PHF2: variants seen among roughly 807,000 people sequenced by gnomAD.
The protein encoded by PHF2 is PHD finger protein 2, also known as lysine-specific demethylase PHF2.
In PHF2, 27 loss-of-function variants were observed where a neutral mutation model predicts 120.5. That is an observed-to-expected ratio of 0.22 (90% CI 0.17 to 0.31). The LOEUF (loss-of-function observed/expected upper bound fraction) is 0.31. Among genes scored for constraint, PHF2 ranks in the 10% least tolerant of loss-of-function variants. The pLI is 1.00. For synonymous variants in PHF2, 568 were observed against 592.5 expected, an observed-to-expected ratio of 0.96 and a Z score of 0.60; for missense variants, 1,024 against 1,434.8, an observed-to-expected ratio of 0.71 and a Z score of 4.63.
Position 93,656,127 on chromosome 9 carries a change from G to C in PHF2, c.1040+106G>C. 1.1e-6 allele frequency: 1 copy of C among 880,618 alleles called. No individual in the cohort carries two copies. The highest frequency in any genetic ancestry group is 1.6e-5 in the South Asian group (1 of 63,652). 54.6% of individuals were successfully genotyped at this position (880,618 alleles called of 1,614,324 possible). A position where few individuals can be genotyped will look rare whatever the true frequency, so the allele number is the denominator to read the frequency against. On this transcript the variant is annotated intron_variant, in intron 8 of 21. Coordinates refer to ENST00000359246, the MANE Select transcript of PHF2 (RefSeq NM_005392.4). This position sits in a 1 kb window ranked among gnomAD's most constrained non-coding sequence, Gnocchi z 4.1. ...GGCTGAGTCCTGGCACAGCCCGCCT[G>C]TGGGTGGCCTGGACATGACCGTCAG...
Position 93,636,398 on chromosome 9 carries a change from G to T in PHF2, c.185-13G>T. ...CGCTGTGTGACCGACCTTGCTTCCG[G>T]TCTCCTCCACAGTAAAGAAGAAGCG... On this transcript the variant is annotated splice_polypyrimidine_tract_variant and intron_variant, in intron 2 of 21. Transcript: ENST00000359246. 6.3e-7 allele frequency: 1 copy of T among 1,592,402 alleles called. No homozygotes were observed. The highest frequency in any genetic ancestry group is 8.6e-7 in the Non-Finnish European group (1 of 1,168,862).
chr9:93,658,558 T>C (rs937273469), intron 10 of PHF2, among the ~76,000 whole-genome samples: 1 of 151,902 alleles, frequency 6.6e-6, no homozygotes, highest in African/African-American at 2.4e-5. Context: ...TGGTGTGTCC[T>C]GGGAGGAAGG....
chr9:93,644,211 A>AC (rs1456018655), intron 3 of PHF2, among the ~76,000 whole-genome samples: 1 of 152,006 alleles, frequency 6.6e-6, no homozygotes, highest in East Asian at 1.9e-4. Flanking sequence ...ACATGGTGAA[A>AC]CCCCATCTCT....
intron 1 of PHF2, among the ~76,000 whole-genome samples, chr9:93,582,776 A>G (rs79721265): frequency 0.011 from 1,746 of 152,308 alleles, 33 homozygotes; most frequent in African/African-American, 0.04. Context: ...AAGCTTTCCA[A>G]AGGAGGCGTG....
rs1346820848 is a variant in PHF2, at chr9:93,653,339, G to A, written c.763G>A (p.Ala255Thr). The change falls in exon 6 of 22, where the codon GCC (alanine) becomes ACC (threonine). Residue 255 changes from alanine to threonine, a missense_variant. Physicochemically the swap from Ala to Thr is moderately conservative, Grantham distance 58. Around this residue, in one of 2 missense-constraint regions of PHF2, gnomAD observed 347 missense variants for 577.4 expected, o/e 0.60. Transcript: ENST00000359246. ...YTDFHIDSGG[A>T]SAWYHVLKGE... ...CGACTTCCACATCGACTCTGGGGGC[G>A]CCTCTGCCTGGTACCACGTGCTCAA... 2.5e-6 allele frequency: 4 copies of A among 1,613,578 alleles called. No homozygotes were observed. Among genetic ancestry groups the A allele is most frequent in the African/African-American group, 2.7e-5 (2 of 74,930 alleles).
At position 93,677,700 on chromosome 9, in the gene PHF2, T is replaced by A; in HGVS notation, c.*24T>A. ...AAGATTTGGAAAGCCAGGATCCTTC[T>A]GCTCCGCTCAGGACCCCCGGAGCCC... On this transcript the variant is annotated 3_prime_UTR_variant, in exon 22 of 22. Transcript: ENST00000359246. This position sits in a 1 kb window ranked among gnomAD's most constrained non-coding sequence, Gnocchi z 4.4. 1.3e-6 allele frequency: 2 copies of A among 1,586,508 alleles called. No homozygotes were observed. Among genetic ancestry groups the A allele is most frequent in the Non-Finnish European group, 1.7e-6 (2 of 1,155,498 alleles).
intron 1 of PHF2, among the ~76,000 whole-genome samples, chr9:93,598,983 T>G (rs1180265569): frequency 6.6e-6 from 1 of 152,130 alleles, no homozygotes; most frequent in Non-Finnish European, 1.5e-5. Context: ...GAAGCAGCAT[T>G]GTTTTGTACT....
At chr9:93,622,689 T>G (rs867777446) in intron 1 of PHF2, among the ~76,000 whole-genome samples, 1 of 152,098 alleles carries the variant, frequency 6.6e-6, no homozygotes, top group Non-Finnish European at 1.5e-5. Flanking sequence ...TGAGACCCAT[T>G]TGGACTTCTG....
intron 3 of PHF2, among the ~76,000 whole-genome samples, chr9:93,638,303 A>G (rs1474372342): frequency 2.0e-5 from 3 of 152,178 alleles, no homozygotes; most frequent in Non-Finnish European, 4.4e-5. Context: ...AGTCCAATTA[A>G]TCTATTTTTT....
intron 16 of PHF2, among the ~76,000 whole-genome samples, 165 bp downstream of exon 16, chr9:93,666,225 C>T (rs922496415): frequency 5.3e-5 from 8 of 152,316 alleles, no homozygotes; most frequent in East Asian, 1.9e-4. Context: ...TCTAAGGTCA[C>T]ATCCAACTCT....
chr9:93,613,585 AG>A (rs1188982158), intron 1 of PHF2, among the ~76,000 whole-genome samples: 2 of 141,858 alleles, frequency 1.4e-5, no homozygotes, highest in African/African-American at 5.2e-5. Flanking sequence ...TTTGAGACAG[AG>A]TCTCACCCTG....
chr9:93,604,880 AG>A (rs1825511231), intron 1 of PHF2, among the ~76,000 whole-genome samples: 1 of 152,050 alleles, frequency 6.6e-6, no homozygotes, highest in Non-Finnish European at 1.5e-5. Flanking sequence ...CCATCTGGGT[AG>A]TTCTTCCCTT....
At chr9:93,663,206 A>G (rs3750360) in intron 13 of PHF2, among the ~76,000 whole-genome samples, 180 bp downstream of exon 13, 3,040 of 152,170 alleles carry the variant, frequency 0.02, 65 homozygotes, top group East Asian at 0.1. Context: ...CCACCCATGG[A>G]CTACATCTTC....
chr9:93,630,584 G>A (rs1186013853), intron 2 of PHF2, among the ~76,000 whole-genome samples: 1 of 152,202 alleles, frequency 6.6e-6, no homozygotes, highest in African/African-American at 2.4e-5. Flanking sequence ...ACAACCTGCT[G>A]TTTGTGTGTC....
intron 2 of PHF2, among the ~76,000 whole-genome samples, chr9:93,631,559 T>A (rs1364808360): frequency 1.3e-5 from 2 of 152,006 alleles, no homozygotes; most frequent in East Asian, 1.9e-4. Flanking sequence ...AGATAAAGGG[T>A]AGGAAGGTTC....
intron 1 of PHF2, among the ~76,000 whole-genome samples, chr9:93,604,784 C>T (rs555055770): frequency 4.5e-4 from 69 of 152,284 alleles, no homozygotes; most frequent in Non-Finnish European, 7.6e-4. Context: ...CATCCATTTG[C>T]ATGCCCATTG....
intron 3 of PHF2, among the ~76,000 whole-genome samples, chr9:93,641,690 A>G (rs1826173994): frequency 6.6e-6 from 1 of 152,240 alleles, no homozygotes; most frequent in Admixed American, 6.5e-5. Context: ...TACATATTCT[A>G]GATACTTGTC....
In PHF2 at chr9:93,665,843, G is replaced by T; in HGVS notation, c.2095G>T (p.Ala699Ser). 3 of 1,603,800 alleles carry T rather than the reference G, an allele frequency of 1.9e-6. No individual in the cohort carries two copies. The highest frequency in any genetic ancestry group is 2.2e-5 in the South Asian group (2 of 90,992). ...GTTTCCCATCAGGAGGAAGAAAAAC[G>T]CCCCGAAAAGGGACTTGTCCTGTGA... is the stretch of plus-strand genomic sequence containing the variant. ...DEFPIRRKKN[A>S]PKRDLSFLLD... is the part of the protein sequence containing the mutation. Residue 699 changes from alanine to serine, a missense_variant, in exon 15 of 22, where the codon GCC (alanine) becomes TCC (serine). Transcript: ENST00000359246.
At chr9:93,608,009 G>GAGAGAA (rs1554792563) in intron 1 of PHF2, among the ~76,000 whole-genome samples, 1 of 123,704 alleles carries the variant, frequency 8.1e-6, no homozygotes, top group Non-Finnish European at 1.7e-5. Context: ...GAGAGAGAGA[G>GAGAGAA]AAGGAAAGGA....
Sources: allele counts gnomAD v4.1 joint callset (sites outside exome capture counted in the v4.1 genomes callset), GRCh38; gene constraint gnomAD v4.1.1; regional missense constraint gnomAD v4.1.1; non-coding constraint Gnocchi (gnomAD v3.1); transcripts MANE v1.5; gene names NCBI Gene and HGNC (gene_info 2026-07-23, HGNC 2026-07-21).